Variants in IPO5 observed in about 807,000 individuals in gnomAD.
The protein encoded by IPO5 is importin-5.
A neutral mutation model predicts 143.3 loss-of-function variants in IPO5; 18 were observed. The ratio of observed to expected loss-of-function variants is 0.13; its 90% CI spans 0.09 to 0.19. IPO5 has a LOEUF of 0.19. Ranked by LOEUF, IPO5 falls within the 10% of genes least tolerant of loss-of-function variation. The pLI is 1.00. For missense variants in IPO5, 1,013 were observed against 1,336.9 expected (o/e 0.76, Z 3.78); for synonymous variants, 477 against 465.7 (o/e 1.02, Z -0.31).
chr13:98,021,692 A>G (rs1184379712), intron 28 of IPO5, 44 bp from the exon 29 acceptor site: 1 of 1,203,508 alleles, frequency 8.3e-7, no homozygotes, highest in Middle Eastern at 2.0e-4. Flanking sequence ...ATCCTTCCAA[A>G]TGAGCATTTC....
intron 2 of IPO5, among the ~76,000 whole-genome samples, chr13:97,962,663 C>T (rs1464338403): frequency 6.6e-6 from 1 of 151,858 alleles, no homozygotes; most frequent in African/African-American, 2.4e-5. Context: ...ATTAAAAATA[C>T]AAAAAATTAG....
chr13:98,006,083 C>T (rs144392606), intron 16 of IPO5, 47 bp from the exon 17 acceptor site: 35 of 1,303,766 alleles, frequency 2.7e-5, no homozygotes, highest in Middle Eastern at 1.9e-4. Flanking sequence ...AATTTAAATA[C>T]TTCTTCCAGT....
In IPO5 at chr13:98,021,856, C is replaced by A; in HGVS notation, c.*34C>A. The A allele has an allele frequency of 2.1e-6, 3 of 1,413,356 alleles. No individual in the cohort carries two copies. The highest frequency in any genetic ancestry group is 2.0e-6 in the Non-Finnish European group (2 of 1,007,090). 87.6% of individuals were successfully genotyped at this position (1,413,356 alleles called of 1,614,324 possible). ...AATGTCACCCACCAGAAAACTAACTCCAAATAAACGCTTACCCTTTCCTTT... is the reference window on the plus strand; with the variant it reads ...AATGTCACCCACCAGAAAACTAACTACAAATAAACGCTTACCCTTTCCTTT... On this transcript the variant is annotated 3_prime_UTR_variant, in exon 29 of 29. Transcript: ENST00000651721.
rs1566577165 is a variant in IPO5 at position 98,019,840 on chromosome 13, TCTC to T, written c.3065+36_3065+38del. ...AAAGCAGACTGTGACCTTATTTCCTTCTCCTCCACAGTGCTTCCTGGTTTTTCT... is the reference window on the plus strand; with the variant it reads ...AAAGCAGACTGTGACCTTATTTCCTTCTCCACAGTGCTTCCTGGTTTTTCT... On this transcript the variant is annotated intron_variant, in intron 27 of 28. Coordinates refer to ENST00000651721, the MANE Select transcript of IPO5 (RefSeq NM_002271.6). 7 of 1,442,484 alleles carry T rather than the reference TCTC, an allele frequency of 4.9e-6. 1 individual carries two copies. The highest frequency in any genetic ancestry group is 3.5e-4 in the Middle Eastern group (2 of 5,772). 89.4% of individuals were successfully genotyped at this position (1,442,484 alleles called of 1,614,324 possible). A position where few individuals can be genotyped will look rare whatever the true frequency, so the allele number is the denominator to read the frequency against.
intron 12 of IPO5, among the ~76,000 whole-genome samples, chr13:98,000,055 C>T (rs865805843): frequency 3.9e-5 from 6 of 152,104 alleles, no homozygotes; most frequent in African/African-American, 1.2e-4. Flanking sequence ...GAGGCCCAGG[C>T]GGGCGCATCA....
At chr13:97,985,663 C>A in intron 6 of IPO5, 50 bp downstream of exon 6, 1 of 931,332 alleles carries the variant, frequency 1.1e-6, no homozygotes, top group Non-Finnish European at 1.6e-6. Flanking sequence ...TATATCCTTC[C>A]TTTTTTTTTT....
intron 13 of IPO5, among the ~76,000 whole-genome samples, chr13:98,001,483 G>A (rs1314101602): frequency 1.3e-5 from 2 of 151,906 alleles, no homozygotes; most frequent in South Asian, 2.1e-4. Context: ...ATGCCACCAC[G>A]CCCAGCTATT....
chr13:97,972,605 G>C (rs1885911259), intron 3 of IPO5, among the ~76,000 whole-genome samples: 1 of 152,192 alleles, frequency 6.6e-6, no homozygotes, highest in African/African-American at 2.4e-5. Flanking sequence ...TGGAAGTAGT[G>C]CCAAGTCTAA....
chr13:98,022,305 G>A lies in IPO5; in HGVS notation c.*483G>A, dbSNP rs1890546697. On this transcript the variant is annotated 3_prime_UTR_variant, in exon 29 of 29. Transcript: ENST00000651721. ...GACCCAAAAGTTGAAAAAAACTGATGACAGACAACAAGCATGAAGATGGCA... is the reference window on the plus strand; with the variant it reads ...GACCCAAAAGTTGAAAAAAACTGATAACAGACAACAAGCATGAAGATGGCA... 1.3e-5 allele frequency: 2 copies of A among 152,566 alleles called. No individual in the cohort carries two copies. The highest frequency in any genetic ancestry group is 4.1e-4 in the South Asian group (2 of 4,822). The allele number at this position is 152,566 out of a possible 1,614,324, so 9.5% of individuals were successfully genotyped here. A position where few individuals can be genotyped will look rare whatever the true frequency, so the allele number is the denominator to read the frequency against.
intron 6 of IPO5, 158 bp downstream of exon 6, chr13:97,985,771 A>C: frequency 1.6e-6 from 1 of 623,508 alleles, no homozygotes; most frequent in East Asian, 2.8e-5. Flanking sequence ...TTAGAGCCAG[A>C]AATTACAGAT....
At chr13:98,014,607 G>A (rs189988360) in intron 22 of IPO5, among the ~76,000 whole-genome samples, 1 of 152,204 alleles carries the variant, frequency 6.6e-6, no homozygotes, top group African/African-American at 2.4e-5. Context: ...TAAATTTTTT[G>A]TTTTAATATT....
rs1356556184 is a variant in IPO5 at position 98,019,760 on chromosome 13, A to G, written c.3016A>G (p.Lys1006Glu). The change falls in exon 27 of 29, where the codon AAA becomes GAA. Residue 1006 changes from lysine to glutamate, a missense_variant. Lys to Glu is a moderately conservative substitution (Grantham distance 56). Coordinates refer to ENST00000651721, the MANE Select transcript of IPO5 (RefSeq NM_002271.6). ...GTCTTGGCTTCCACTACATGAAGAT[A>G]AAGAAGAAGCTGTTCAGACTTTCAA... is the stretch of plus-strand genomic sequence containing the variant. ...WLSWLPLHED[K>E]EEAVQTFNYL... The G allele has an allele frequency of 5.6e-6, 9 of 1,614,072 alleles. No individual in the cohort carries two copies. The highest frequency in any genetic ancestry group is 6.8e-6 in the Non-Finnish European group (8 of 1,179,918).
chr13:97,969,849 G>A lies in IPO5; in HGVS notation c.-5+19G>A, dbSNP rs367727194. 5.2e-5 allele frequency: 82 copies of A among 1,589,406 alleles called. No homozygotes were observed. The African/African-American group carries it at 9.3e-4, about 18-fold the overall frequency. ...CAATAAGGTAACTGATTTCACCTGG[G>A]GAAAAGTCACTTCCTGTTTTGTTTT... On this transcript the variant is annotated intron_variant, in intron 3 of 28. Transcript: ENST00000651721.
chr13:98,021,178 T>TTTTC, intron 28 of IPO5, 45 bp downstream of exon 28: 1 of 1,549,872 alleles, frequency 6.5e-7, no homozygotes, highest in Non-Finnish European at 8.7e-7. Context: ...TAAAACCTTT[T>TTTTC]TTTCTTTGTA....
intron 20 of IPO5, among the ~76,000 whole-genome samples, 190 bp downstream of exon 20, chr13:98,010,414 C>CA (rs965744402): frequency 1.3e-5 from 2 of 151,980 alleles, no homozygotes; most frequent in Non-Finnish European, 2.9e-5. Flanking sequence ...TTTTAAATAG[C>CA]AAAAAACAAC....
chr13:97,974,611 G>GT (rs1048021122), intron 3 of IPO5, among the ~76,000 whole-genome samples: 44 of 149,454 alleles, frequency 2.9e-4, no homozygotes, highest in African/African-American at 1.1e-3. Flanking sequence ...TGCCCGGCCT[G>GT]TAATTCTTAA....
chr13:98,001,941 C>CA (rs890566397), intron 13 of IPO5: 7 of 151,730 alleles, frequency 4.6e-5, no homozygotes, highest in African/African-American at 1.7e-4. Flanking sequence ...ATCAAGTAGT[C>CA]ACGCACTTTT....
intron 16 of IPO5, among the ~76,000 whole-genome samples, chr13:98,005,198 C>CTT (rs1172863199): frequency 1.4e-5 from 2 of 142,912 alleles, no homozygotes; most frequent in Non-Finnish European, 3.1e-5. Flanking sequence ...TGCCTGGCTT[C>CTT]TTTTTTTTTT....
At position 98,014,085 on chromosome 13, in the gene IPO5, G is replaced by T; in HGVS notation, c.2196G>T (p.Glu732Asp). The change falls in exon 22 of 29, where the codon GAG becomes GAT. Residue 732 changes from glutamate to aspartate, a missense_variant. Coordinates refer to ENST00000651721, the MANE Select transcript of IPO5 (RefSeq NM_002271.6). ...CGGAATCCATGCCTCTTCTCCTGGAGTGTGCAAGAGTCCGTGGTCCTGAGT... is the reference window on the plus strand; with the variant it reads ...CGGAATCCATGCCTCTTCTCCTGGATTGTGCAAGAGTCCGTGGTCCTGAGT... Reference protein sequence around the residue: ...AAAESMPLLLECARVRGPEYL... With the variant: ...AAAESMPLLLDCARVRGPEYL... 6.2e-7 allele frequency: 1 copy of T among 1,613,656 alleles called. No individual in the cohort carries two copies. The highest frequency in any genetic ancestry group is 8.5e-7 in the Non-Finnish European group (1 of 1,179,880).
Sources: gnomAD v4.1 joint callset for allele counts (sites outside exome capture counted in the v4.1 genomes callset) on GRCh38, gnomAD v4.1.1 for gene constraint, MANE v1.5 for transcripts, NCBI Gene and HGNC (gene_info 2026-07-23, HGNC 2026-07-21) for gene names.